Variants in ANTXR1 observed in about 807,000 individuals in gnomAD.
ANTXR1 encodes the protein ANTXR cell adhesion molecule 1.
Under a neutral mutation model 78.1 loss-of-function variants are expected in ANTXR1, and 19 were observed. That is an observed-to-expected ratio of 0.24 (90% confidence interval 0.17 to 0.36). The LOEUF is 0.36. ANTXR1 is among the 10% of genes least tolerant of loss of function. ANTXR1 has a pLI of 1.00. For synonymous variants in ANTXR1, 273 were observed against 260.5 expected (o/e 1.05, Z -0.46); for missense variants, 518 against 718.6 (o/e 0.72, Z 3.19).
chr2:69,082,815 T>C (rs542011125), intron 8 of ANTXR1, among the ~76,000 whole-genome samples: 29 of 152,314 alleles, frequency 1.9e-4, no homozygotes, highest in African/African-American at 6.5e-4. Context: ...TAGGAGAATT[T>C]CCCTCGAATA....
In ANTXR1 at chr2:69,047,982, G is replaced by C. The variant is rs1250022725; in HGVS notation, c.296+3169G>C. Among the ~76,000 whole-genome samples, 2 of 152,152 alleles carry C rather than the reference G, an allele frequency of 1.3e-5. 1 individual carries two copies. Among genetic ancestry groups the C allele is most frequent in the Non-Finnish European group, 2.9e-5 (2 of 68,022 alleles). On this transcript the variant is annotated intron_variant, in intron 3 of 17. Coordinates refer to ENST00000303714, the MANE Select transcript of ANTXR1 (RefSeq NM_032208.3). ...CTTCCAAGATTTCCTGGCTTCATCAGTTTAAATAGTTGATAGATTGTAACA... is the reference window on the plus strand; with the variant it reads ...CTTCCAAGATTTCCTGGCTTCATCACTTTAAATAGTTGATAGATTGTAACA...
intron 12 of ANTXR1, 108 bp from the exon 13 acceptor site, chr2:69,152,061 G>T: frequency 8.9e-7 from 1 of 1,117,578 alleles, no homozygotes; most frequent in Non-Finnish European, 1.4e-6. Flanking sequence ...TTGGCAAACT[G>T]TGCTGCTCTC....
In ANTXR1 at chr2:69,029,741, C is replaced by T. The variant is rs79530448; in HGVS notation, c.153-10303C>T. On this transcript the variant is annotated intron_variant, in intron 1 of 17. Transcript: ENST00000303714. ...ACACATTTTAAAATTGTATTACTTA[C>T]TGAAAAAATTACCTAAAAATATTGA... Among the ~76,000 whole-genome samples the T allele has an allele frequency of 0.016, 2,389 of 151,654 alleles. 95 individuals carry two copies. The East Asian group carries it at 0.17, about 11-fold the overall frequency.
intron 14 of ANTXR1, among the ~76,000 whole-genome samples, chr2:69,174,482 G>A (rs1365485705): frequency 7.2e-5 from 11 of 152,110 alleles, no homozygotes; most frequent in Admixed American, 1.3e-4. Flanking sequence ...AAAATTACCC[G>A]GGCATGGTGG....
intron 17 of ANTXR1, among the ~76,000 whole-genome samples, chr2:69,239,398 G>A (rs1453833033): frequency 6.6e-6 from 1 of 152,112 alleles, no homozygotes; most frequent in African/African-American, 2.4e-5. Flanking sequence ...GCGAAACCCC[G>A]TCTCTACTAA....
chr2:69,070,190 A>G (rs2104204234), intron 3 of ANTXR1, among the ~76,000 whole-genome samples: 1 of 152,250 alleles, frequency 6.6e-6, no homozygotes, highest in African/African-American at 2.4e-5. Flanking sequence ...TTCCTTTGGC[A>G]CACCCGTGCG....
At chr2:69,135,632 C>T (rs907545146) in intron 12 of ANTXR1, among the ~76,000 whole-genome samples, 9 of 152,042 alleles carry the variant, frequency 5.9e-5, no homozygotes, top group Non-Finnish European at 1.0e-4. Context: ...AAAAAATTAT[C>T]GGTCTAAAGA....
At chr2:69,043,796 C>A (rs1305154756) in intron 2 of ANTXR1, among the ~76,000 whole-genome samples, 1 of 152,096 alleles carries the variant, frequency 6.6e-6, no homozygotes, top group African/African-American at 2.4e-5. Context: ...GGCAAGACGC[C>A]AGCTAGGAAA....
chr2:69,223,353 G>A (rs753394796), intron 17 of ANTXR1, among the ~76,000 whole-genome samples: 8 of 152,172 alleles, frequency 5.3e-5, no homozygotes, highest in Non-Finnish European at 1.0e-4. Flanking sequence ...CAAGTCCCCT[G>A]CAGTCTTCCT....
At chr2:69,140,383 C>T (rs905367078) in intron 12 of ANTXR1, among the ~76,000 whole-genome samples, 1 of 152,206 alleles carries the variant, frequency 6.6e-6, no homozygotes, top group Non-Finnish European at 1.5e-5. Flanking sequence ...TATGCTTTCT[C>T]CAACAACGCT....
chr2:69,060,667 T>G (rs78803862), intron 3 of ANTXR1, among the ~76,000 whole-genome samples: 3 of 152,226 alleles, frequency 2.0e-5, no homozygotes, highest in Non-Finnish European at 2.9e-5. Flanking sequence ...CTGTGTCTTA[T>G]GCTGAAAGAG....
At chr2:69,063,535 G>A (rs572346404) in intron 3 of ANTXR1, among the ~76,000 whole-genome samples, 39 of 151,632 alleles carry the variant, frequency 2.6e-4, no homozygotes, top group South Asian at 6.3e-4. Context: ...ATTCTTTAGG[G>A]TGAAGGAAAA....
chr2:69,213,347 G>T (rs899788671), intron 17 of ANTXR1, among the ~76,000 whole-genome samples: 1 of 152,142 alleles, frequency 6.6e-6, no homozygotes, highest in Non-Finnish European at 1.5e-5. Flanking sequence ...CTCTTTGTCA[G>T]CCAGATGGCC....
chr2:69,096,259 A>G (rs1474777132), intron 9 of ANTXR1, among the ~76,000 whole-genome samples: 2 of 6,374 alleles, frequency 3.1e-4, no homozygotes, highest in Non-Finnish European at 4.5e-4. Flanking sequence ...CTCCGTCAAA[A>G]GGAAGGAAGG....
At chr2:69,043,036 C>T (rs375124278) in intron 2 of ANTXR1, among the ~76,000 whole-genome samples, 1 of 152,266 alleles carries the variant, frequency 6.6e-6, no homozygotes, top group African/African-American at 2.4e-5. Context: ...CCAAATTATG[C>T]CTCTAGCCTA....
intron 1 of ANTXR1, among the ~76,000 whole-genome samples, chr2:69,039,734 C>T (rs6743801): frequency 0.067 from 10,236 of 151,992 alleles, 663 homozygotes; most frequent in East Asian, 0.23. Context: ...TTCTCGAAGA[C>T]GCAAAACTCA....
intron 17 of ANTXR1, among the ~76,000 whole-genome samples, chr2:69,226,191 A>C (rs1675448498): frequency 6.6e-6 from 1 of 152,174 alleles, no homozygotes; most frequent in Non-Finnish European, 1.5e-5. Context: ...GTCTTTGGAG[A>C]CTGAACAGAG....
In ANTXR1 at chr2:69,181,866, C is replaced by CA; in HGVS notation, c.1171dup (p.Ile391AsnfsTer2). ...ATTATGGTGGGAGAGGCGTTGGAGG[C>CA]ATTAAAAGAATGGAGGTAAGAGGAC... is the stretch of plus-strand genomic sequence containing the variant. On this transcript the variant is annotated frameshift_variant, in exon 15 of 18. Coordinates refer to ENST00000303714, the MANE Select transcript of ANTXR1 (RefSeq NM_032208.3). LOFTEE classifies it high-confidence loss of function. 6.2e-7 allele frequency: 1 copy of CA among 1,614,062 alleles called. No homozygotes were observed. Among genetic ancestry groups the CA allele is most frequent in the South Asian group, 1.1e-5 (1 of 91,070 alleles).
chr2:69,174,239 A>G (rs1674061223), intron 14 of ANTXR1, among the ~76,000 whole-genome samples: 1 of 152,214 alleles, frequency 6.6e-6, no homozygotes, highest in South Asian at 2.1e-4. Context: ...AGTAGCCCCA[A>G]TGTTTTTTGA....
Sources: gnomAD v4.1 joint callset for allele counts (sites outside exome capture counted in the v4.1 genomes callset) on GRCh38, gnomAD v4.1.1 for gene constraint, MANE v1.5 for transcripts, NCBI Gene and HGNC (gene_info 2026-07-23, HGNC 2026-07-21) for gene names.